The following CNTNAP4 variants were observed in gnomAD, a reference collection of about 807,000 sequenced individuals.
CNTNAP4 encodes contactin-associated protein-like 4.
Under a neutral mutation model 148.4 loss-of-function variants are expected in CNTNAP4, and 98 were observed. The ratio of observed to expected loss-of-function variants is 0.66; its 90% CI spans 0.56 to 0.78. The LOEUF (loss-of-function observed/expected upper bound fraction) is 0.78, where lower values mean the gene tolerates loss of function less well. Among genes scored for constraint, CNTNAP4 ranks in the 30% least tolerant of loss-of-function variants. CNTNAP4 has a pLI of 0.00. For missense variants in CNTNAP4, 1,935 were observed against 1,565.6 expected, an observed-to-expected ratio of 1.24 and a Z score of -3.98; for synonymous variants, 730 against 565.1, an observed-to-expected ratio of 1.29 and a Z score of -4.14.
chr16:76,500,971 T>C (rs1048042660), intron 15 of CNTNAP4, among the ~76,000 whole-genome samples: 1 of 152,196 alleles, frequency 6.6e-6, no homozygotes, highest in Non-Finnish European at 1.5e-5. Context: ...TAAAATTTTA[T>C]GCTAGGGGCA....
chr16:76,306,611 C>T (rs956670244), intron 1 of CNTNAP4, among the ~76,000 whole-genome samples: 10 of 152,314 alleles, frequency 6.6e-5, no homozygotes, highest in South Asian at 2.1e-4. Flanking sequence ...GATTCGCATA[C>T]GTCCAGTGAC....
At chr16:76,514,243 A>G (rs1490448989) in intron 15 of CNTNAP4, among the ~76,000 whole-genome samples, 1 of 152,204 alleles carries the variant, frequency 6.6e-6, no homozygotes, top group Non-Finnish European at 1.5e-5. Context: ...GCAAACTTAG[A>G]TAAGTGTTAC....
chr16:76,415,728 C>T (rs1432450961), intron 3 of CNTNAP4, among the ~76,000 whole-genome samples: 1 of 150,994 alleles, frequency 6.6e-6, no homozygotes, highest in Non-Finnish European at 1.5e-5. Context: ...CACACCCTGA[C>T]CCTGGAAATA....
intron 3 of CNTNAP4, among the ~76,000 whole-genome samples, chr16:76,388,646 T>G (rs1340109325): frequency 1.3e-5 from 2 of 152,212 alleles, no homozygotes; most frequent in Non-Finnish European, 2.9e-5. Context: ...TAATAGTAAT[T>G]CCTGTTATAA....
chr16:76,399,178 C>T (rs76046057), intron 3 of CNTNAP4, among the ~76,000 whole-genome samples: 6,708 of 152,224 alleles, frequency 0.044, 511 homozygotes, highest in African/African-American at 0.15. Context: ...TTATAAATTA[C>T]CCATTCTCTA....
intron 23 of CNTNAP4, among the ~76,000 whole-genome samples, chr16:76,554,717 GA>G (rs942281403): frequency 8.6e-5 from 13 of 151,758 alleles, no homozygotes; most frequent in Non-Finnish European, 1.5e-4. Flanking sequence ...CATTGCCAGG[GA>G]GATACAATTT....
chr16:76,475,100 C>T (rs1395317481), intron 10 of CNTNAP4, among the ~76,000 whole-genome samples: 1 of 151,952 alleles, frequency 6.6e-6, no homozygotes, highest in Non-Finnish European at 1.5e-5. Context: ...CTGCTTGAAC[C>T]CAGGAGGCGG....
chr16:76,440,432 G>A (rs771875540), intron 4 of CNTNAP4, among the ~76,000 whole-genome samples: 14 of 152,034 alleles, frequency 9.2e-5, no homozygotes, highest in Admixed American at 6.6e-4. Context: ...AATTTATCCC[G>A]AAAACATCTT....
At chr16:76,372,992 A>T (rs1200163619) in intron 3 of CNTNAP4, among the ~76,000 whole-genome samples, 1 of 152,232 alleles carries the variant, frequency 6.6e-6, no homozygotes, top group Non-Finnish European at 1.5e-5. Context: ...AACACTTTTC[A>T]TGATTACTTC....
intron 2 of CNTNAP4, among the ~76,000 whole-genome samples, chr16:76,340,250 A>G (rs1196034713): frequency 6.6e-6 from 1 of 152,144 alleles, no homozygotes; most frequent in Admixed American, 6.6e-5. Context: ...TGAAGCAGGA[A>G]CATAGCTGCC....
At chr16:76,533,196 T>C (rs1001568257) in intron 17 of CNTNAP4, among the ~76,000 whole-genome samples, 8 of 152,060 alleles carry the variant, frequency 5.3e-5, no homozygotes, top group African/African-American at 1.9e-4. Context: ...GCAACATGGA[T>C]GGAACTGAAG....
intron 1 of CNTNAP4, among the ~76,000 whole-genome samples, chr16:76,301,177 C>G (rs1959926239): frequency 1.3e-5 from 2 of 151,960 alleles, no homozygotes; most frequent in Admixed American, 6.6e-5. Flanking sequence ...TTGAATGAGA[C>G]TGTTGATCTT....
At chr16:76,428,424 T>C (rs1224161178) in intron 4 of CNTNAP4, among the ~76,000 whole-genome samples, 1 of 152,138 alleles carries the variant, frequency 6.6e-6, no homozygotes, top group Non-Finnish European at 1.5e-5. Flanking sequence ...ACATCGTTTT[T>C]TTTTTTTCTC....
intron 2 of CNTNAP4, among the ~76,000 whole-genome samples, chr16:76,348,096 C>T (rs1051657088): frequency 2.6e-5 from 4 of 151,788 alleles, no homozygotes; most frequent in African/African-American, 9.7e-5. Context: ...GGCAGAAAAA[C>T]AGCAGGATTC....
At chr16:76,370,704 C>G (rs1205448380) in intron 3 of CNTNAP4, among the ~76,000 whole-genome samples, 1 of 152,154 alleles carries the variant, frequency 6.6e-6, no homozygotes, top group Non-Finnish European at 1.5e-5. Context: ...GACAAATTGC[C>G]TCTATGAGCT....
intron 4 of CNTNAP4, among the ~76,000 whole-genome samples, chr16:76,437,438 A>G (rs958208129): frequency 1.3e-5 from 2 of 152,174 alleles, no homozygotes; most frequent in African/African-American, 4.8e-5. Flanking sequence ...TAAGGAAACT[A>G]TGAAAACCTA....
intron 1 of CNTNAP4, among the ~76,000 whole-genome samples, chr16:76,308,518 G>C (rs947961890): frequency 1.3e-5 from 2 of 152,162 alleles, no homozygotes; most frequent in Non-Finnish European, 2.9e-5. Context: ...AGAGAGGGGT[G>C]GGGTGTCACA....
intron 11 of CNTNAP4, among the ~76,000 whole-genome samples, chr16:76,478,941 A>T (rs1173515394): frequency 6.6e-6 from 1 of 152,128 alleles, no homozygotes; most frequent in Non-Finnish European, 1.5e-5. Context: ...TAGTTGTAAC[A>T]TGATTTAAAG....
At chr16:76,343,565 A>C (rs1964661492) in intron 2 of CNTNAP4, among the ~76,000 whole-genome samples, 1 of 152,152 alleles carries the variant, frequency 6.6e-6, no homozygotes, top group South Asian at 2.1e-4. Flanking sequence ...GGGTTAGGAG[A>C]TACAACAACA....
Sources: allele counts gnomAD v4.1 joint callset (sites outside exome capture counted in the v4.1 genomes callset), GRCh38; gene constraint gnomAD v4.1.1; transcripts MANE v1.5; gene names NCBI Gene and HGNC (gene_info 2026-07-23, HGNC 2026-07-21).